Variants in CEP120 observed in about 807,000 individuals in gnomAD.
CEP120 encodes centrosomal protein of 120 kDa.
In CEP120, 113 loss-of-function variants were observed where a neutral mutation model predicts 126.5. The ratio of observed to expected loss-of-function variants is 0.89; its 90% CI spans 0.77 to 1.04. The LOEUF is 1.04. Among genes scored for constraint, CEP120 ranks in the 50% least tolerant of loss-of-function variants. CEP120 has a pLI of 0.00. For missense variants in CEP120, 1,230 were observed against 1,155.7 expected (o/e 1.06, Z -0.93); for synonymous variants, 400 against 394.3 (o/e 1.01, Z -0.17).
At chr5:123,400,695 A>T (rs866262836) in intron 4 of CEP120, among the ~76,000 whole-genome samples, 110 of 52,560 alleles carry the variant, frequency 2.1e-3, no homozygotes, top group Middle Eastern at 0.024. Flanking sequence ...CTGAGGTTTT[A>T]TTTTGGACCA....
At chr5:123,371,182 C>G (rs1364263268) in intron 17 of CEP120, among the ~76,000 whole-genome samples, 1 of 151,970 alleles carries the variant, frequency 6.6e-6, no homozygotes, top group African/African-American at 2.4e-5. Context: ...TTTAATGTAA[C>G]ATGATGCCTA....
intron 14 of CEP120, among the ~76,000 whole-genome samples, chr5:123,381,358 G>C (rs1459636282): frequency 6.9e-6 from 1 of 145,378 alleles, no homozygotes; most frequent in African/African-American, 2.6e-5. Context: ...GTTGATGAGA[G>C]GAGGGGGTTA....
At position 123,401,009 on chromosome 5, in the gene CEP120, G is replaced by A. The variant is rs1773182988; in HGVS notation, c.464-1725C>T. The A allele has an allele frequency of 3.2e-6, 5 of 1,556,652 alleles. No homozygotes were observed. In the Admixed American group the frequency reaches 5.0e-5, roughly 16 times the overall value. On this transcript the variant is annotated intron_variant, in intron 4 of 19. Transcript: ENST00000306467. ...CCACGGCCCTGGAGTAGCTGGTGCG[G>A]CTGAAGGAGCTGGCGCCCAGGCCGT...
At chr5:123,394,134 C>T (rs568071935) in intron 5 of CEP120, among the ~76,000 whole-genome samples, 1 of 152,286 alleles carries the variant, frequency 6.6e-6, no homozygotes, top group East Asian at 1.9e-4. Context: ...CACTAGCATA[C>T]TGTTAAACAA....
chr5:123,418,292 G>T (rs1774499857), intron 2 of CEP120, 67 bp downstream of exon 2: 2 of 1,399,624 alleles, frequency 1.4e-6, no homozygotes, highest in Non-Finnish European at 1.9e-6. Flanking sequence ...TACTCAAACT[G>T]TATTTATTTA....
At chr5:123,400,651 A>T in intron 4 of CEP120, among the ~76,000 whole-genome samples, 1 of 139,904 alleles carries the variant, frequency 7.1e-6, no homozygotes, top group Non-Finnish European at 1.5e-5. Context: ...ATATACATAT[A>T]TATATGGCTT....
At chr5:123,392,330 G>A (rs1052736579) in intron 6 of CEP120, among the ~76,000 whole-genome samples, 1 of 152,060 alleles carries the variant, frequency 6.6e-6, no homozygotes, top group Admixed American at 6.6e-5. Context: ...AATATCTTGG[G>A]TTTAGCAGAA....
At chr5:123,378,460 T>C (rs1037090250) in intron 14 of CEP120, 32 bp from the exon 15 acceptor site, 2 of 958,300 alleles carry the variant, frequency 2.1e-6, no homozygotes, top group African/African-American at 3.6e-5. Flanking sequence ...AAAAAAAAAG[T>C]TACCTACCTT....
chr5:123,382,589 C>G (rs1771723184), intron 13 of CEP120, 148 bp downstream of exon 13: 1 of 695,400 alleles, frequency 1.4e-6, no homozygotes, highest in Non-Finnish European at 2.2e-6. Flanking sequence ...TTTTTTGATT[C>G]TCAAATTTTT....
intron 1 of CEP120, chr5:123,422,691 G>C (rs1774797956): frequency 3.8e-6 from 3 of 795,940 alleles, no homozygotes; most frequent in Middle Eastern, 4.5e-4. Context: ...TGCTTTGGAT[G>C]AAAATCGTTT....
chr5:123,402,196 G>A (rs1295950548), intron 4 of CEP120: 2 of 1,565,492 alleles, frequency 1.3e-6, no homozygotes, highest in Admixed American at 3.4e-5. Flanking sequence ...CCGCCGCCCA[G>A]GCCACCCCGA....
intron 11 of CEP120, among the ~76,000 whole-genome samples, chr5:123,383,780 C>T (rs1337138437): frequency 6.6e-6 from 1 of 152,036 alleles, no homozygotes; most frequent in Non-Finnish European, 1.5e-5. Flanking sequence ...CTGCATGCAG[C>T]ATTTGTCATT....
At chr5:123,361,858 C>A (rs1770100075) in intron 18 of CEP120, among the ~76,000 whole-genome samples, 1 of 151,734 alleles carries the variant, frequency 6.6e-6, no homozygotes, top group African/African-American at 2.4e-5. Flanking sequence ...TCATTTAATT[C>A]TCAGAATAAC....
intron 5 of CEP120, among the ~76,000 whole-genome samples, chr5:123,398,749 C>A (rs1267657634): frequency 1.3e-5 from 2 of 152,120 alleles, no homozygotes; most frequent in Middle Eastern, 3.2e-3. Context: ...TAAAATAGAA[C>A]CCAAAACTCT....
In CEP120 at chr5:123,423,255, C is replaced by G. The variant is rs1203255296; in HGVS notation, c.-257G>C. The stretch of plus-strand genomic sequence containing the variant: ...CGCTGCAGCCCTGCCAGTCTGCAAG[C>G]AGAGACAAGCCCGCCACCCGAGGAC... On this transcript the variant is annotated 5_prime_UTR_variant, in exon 1 of 20. Coordinates refer to ENST00000306467, the MANE Select transcript of CEP120 (RefSeq NM_001375405.1). 5 of 503,702 alleles carry G rather than the reference C, an allele frequency of 9.9e-6. No homozygotes were observed. Among genetic ancestry groups the G allele is most frequent in the African/African-American group, 2.0e-5 (1 of 49,764 alleles). The allele number at this position is 503,702 out of a possible 1,614,324, so 31.2% of individuals were successfully genotyped here.
intron 4 of CEP120, among the ~76,000 whole-genome samples, chr5:123,400,037 G>C (rs1224116312): frequency 6.6e-6 from 1 of 152,158 alleles, no homozygotes; most frequent in African/African-American, 2.4e-5. Flanking sequence ...AATGTTGGCA[G>C]GTACATGCTA....
chr5:123,421,538 T>C (rs1268078584), intron 1 of CEP120, among the ~76,000 whole-genome samples: 2 of 152,236 alleles, frequency 1.3e-5, no homozygotes, highest in African/African-American at 4.8e-5. Flanking sequence ...GGGTTGTCCA[T>C]AGAATTCTAT....
intron 1 of CEP120, among the ~76,000 whole-genome samples, chr5:123,421,893 A>G (rs1273890008): frequency 1.3e-5 from 2 of 152,254 alleles, no homozygotes; most frequent in Non-Finnish European, 1.5e-5. Context: ...TTCAAAGATT[A>G]GGATTACAAT....
At chr5:123,412,628 T>G in intron 3 of CEP120, 88 bp from the exon 4 acceptor site, 1 of 938,160 alleles carries the variant, frequency 1.1e-6, no homozygotes, top group Non-Finnish European at 1.5e-6. Flanking sequence ...AATAAATTTA[T>G]TGTAGCTTTT....
Sources: gnomAD v4.1 joint callset for allele counts (sites outside exome capture counted in the v4.1 genomes callset) on GRCh38, gnomAD v4.1.1 for gene constraint, MANE v1.5 for transcripts, NCBI Gene and HGNC (gene_info 2026-07-23, HGNC 2026-07-21) for gene names.